Variants in GATAD2B observed in about 807,000 individuals in gnomAD.
The protein encoded by GATAD2B is GATA zinc finger domain containing 2B, also known as transcriptional repressor p66-beta.
A neutral mutation model predicts 64.3 loss-of-function variants in GATAD2B; 8 were observed. The observed-to-expected ratio is 0.12, with a 90% CI of 0.07 to 0.22. GATAD2B has a LOEUF of 0.22. GATAD2B is among the 10% of genes least tolerant of loss of function. The pLI, the probability that GATAD2B is intolerant of heterozygous loss-of-function variation, is 1.00. For missense variants in GATAD2B, 453 were observed against 752.0 expected, an observed-to-expected ratio of 0.60 and a Z score of 4.65; for synonymous variants, 281 against 271.3, an observed-to-expected ratio of 1.04 and a Z score of -0.35.
chr1:153,844,215 A>G lies in GATAD2B; in HGVS notation c.-1-15867T>C, dbSNP rs577293980. Among the ~76,000 whole-genome samples the G allele has an allele frequency of 1.4e-4, 21 of 151,026 alleles. No homozygotes were observed. The South Asian group carries it at 3.4e-3, about 24-fold the overall frequency. ...TGAGGAAACTATCCAAGACTGGGGGAAAAAAAAACATATGAAAGGAATGGA... is the reference window on the plus strand; with the variant it reads ...TGAGGAAACTATCCAAGACTGGGGGGAAAAAAAACATATGAAAGGAATGGA... On this transcript the variant is annotated intron_variant, in intron 1 of 10. Coordinates refer to ENST00000368655, the MANE Select transcript of GATAD2B (RefSeq NM_020699.4).
intron 1 of GATAD2B, among the ~76,000 whole-genome samples, chr1:153,921,245 T>C (rs1678420731): frequency 6.6e-6 from 1 of 152,200 alleles, no homozygotes; most frequent in African/African-American, 2.4e-5. Flanking sequence ...ATAGGCACCA[T>C]GCTGCTGCCA....
chr1:153,852,560 GA>G, intron 1 of GATAD2B: 1 of 770,590 alleles, frequency 1.3e-6, no homozygotes, highest in Non-Finnish European at 2.4e-6. Flanking sequence ...CCACCCATGA[GA>G]GCTAGAGCTT....
intron 1 of GATAD2B, among the ~76,000 whole-genome samples, chr1:153,914,338 T>C (rs2101971015): frequency 6.6e-6 from 1 of 151,756 alleles, no homozygotes; most frequent in East Asian, 1.9e-4. Flanking sequence ...AACCTTTACA[T>C]GCATTATCTT....
chr1:153,819,550 A>G, intron 3 of GATAD2B, 56 bp downstream of exon 3: 1 of 1,211,530 alleles, frequency 8.3e-7, no homozygotes, highest in Non-Finnish European at 1.2e-6. Context: ...CTCTTGAGGA[A>G]TTAAATAAAA....
At chr1:153,865,244 G>T (rs1676435225) in intron 1 of GATAD2B, among the ~76,000 whole-genome samples, 1 of 152,154 alleles carries the variant, frequency 6.6e-6, no homozygotes, top group Admixed American at 6.6e-5. Flanking sequence ...TGGATCACCT[G>T]AAGTCAGGAG....
At chr1:153,821,315 G>A (rs11264429) in intron 2 of GATAD2B, among the ~76,000 whole-genome samples, 6,031 of 151,980 alleles carry the variant, frequency 0.04, 324 homozygotes, top group African/African-American at 0.12. Context: ...AGGGAACCCC[G>A]ATCACTGGAA....
At chr1:153,901,978 CA>C (rs35731326) in intron 1 of GATAD2B, among the ~76,000 whole-genome samples, 3,373 of 92,304 alleles carry the variant, frequency 0.037, 121 homozygotes, top group African/African-American at 0.13. Context: ...GACTCCGTCT[CA>C]AAAAAAAAAA....
At chr1:153,852,910 A>G (rs1675952781) in intron 1 of GATAD2B, 1 of 795,168 alleles carries the variant, frequency 1.3e-6, no homozygotes, top group Admixed American at 1.8e-5. Context: ...GCCACTGCTC[A>G]TGAGCTGCAT....
chr1:153,906,069 A>T (rs985790025), intron 1 of GATAD2B, among the ~76,000 whole-genome samples: 4 of 146,250 alleles, frequency 2.7e-5, no homozygotes, highest in African/African-American at 1.0e-4. Context: ...CCCTCTCAAA[A>T]AAAAAAAAAA....
intron 1 of GATAD2B, among the ~76,000 whole-genome samples, chr1:153,895,855 A>C (rs1359257844): frequency 1.3e-5 from 2 of 152,002 alleles, no homozygotes; most frequent in African/African-American, 4.8e-5. Context: ...GGAAATAAGA[A>C]AGGCTTTTCA....
rs190592438 is a variant in GATAD2B at position 153,908,083 on chromosome 1, G to A, written c.-2+14650C>T. Among the ~76,000 whole-genome samples, 495 of 152,302 alleles carry A rather than the reference G, an allele frequency of 3.3e-3. 2 individuals are homozygous for A. The highest frequency in any genetic ancestry group is 0.011 in the African/African-American group (452 of 41,572). The stretch of plus-strand genomic sequence containing the variant: ...CTCCCAAAGTGCTGGGACTACAGGC[G>A]TGAGCCATCACGCCCAGCCTAAGAT... On this transcript the variant is annotated intron_variant, in intron 1 of 10. Transcript: ENST00000368655.
chr1:153,921,803 T>C (rs887046198), intron 1 of GATAD2B: 2 of 152,242 alleles, frequency 1.3e-5, no homozygotes, highest in African/African-American at 4.8e-5. Flanking sequence ...TGTTTGGAAG[T>C]TGATGCTGGG....
rs1051507021 is a variant in GATAD2B, at chr1:153,886,051, A to C, written c.-2+36682T>G. 4.6e-5 allele frequency among the ~76,000 whole-genome samples: 7 copies of C among 152,214 alleles called. No homozygotes were observed. In the South Asian group the frequency reaches 1.4e-3, roughly 31 times the overall value. ...GAATGCTTAAAGGTACTCCTACAAA[A>C]GAAATGTAAACTTCATAGAACCACT... On this transcript the variant is annotated intron_variant, in intron 1 of 10. Coordinates refer to ENST00000368655, the MANE Select transcript of GATAD2B (RefSeq NM_020699.4).
At chr1:153,869,313 T>G (rs1223325369) in intron 1 of GATAD2B, among the ~76,000 whole-genome samples, 1 of 151,118 alleles carries the variant, frequency 6.6e-6, no homozygotes, top group African/African-American at 2.4e-5. Flanking sequence ...AAGACAACTC[T>G]TGCCTGCAAC....
In GATAD2B at chr1:153,828,154, G is replaced by A. The variant is rs1180288981; in HGVS notation, c.194C>T (p.Thr65Ile). The change falls in exon 2 of 11, where the codon ACC (threonine) becomes ATC (isoleucine). Residue 65 changes from threonine (T) to isoleucine (I), a missense_variant. By Grantham distance (89) the Thr-to-Ile change is moderately conservative. This residue lies in a region of GATAD2B where 293 missense variants were observed against 417.2 expected (regional missense o/e 0.70). Transcript: ENST00000368655. ...CTTGACACCACTGCCATCCTGTTTG[G>A]TGGGTAACTCATGTGGCACCTCAAG... ...ANLEVPHELPTKQDGSGVKGY... is the reference protein window; with the variant it reads ...ANLEVPHELPIKQDGSGVKGY... 9 of 1,614,026 alleles carry A rather than the reference G, an allele frequency of 5.6e-6. No individual in the cohort carries two copies. The highest frequency in any genetic ancestry group is 1.7e-5 in the Admixed American group (1 of 59,984).
chr1:153,858,591 C>T lies in GATAD2B; in HGVS notation c.-1-30243G>A, dbSNP rs148301282. On this transcript the variant is annotated intron_variant, in intron 1 of 10. Transcript: ENST00000368655. ...TTGCATTCCAGCCTGGGGAACAGAG[C>T]GAGACCATGTCTCATAAACAAAGCC... 4.1e-3 allele frequency among the ~76,000 whole-genome samples: 623 copies of T among 152,024 alleles called. 5 individuals are homozygous for T. The highest frequency in any genetic ancestry group is 0.014 in the African/African-American group (582 of 41,448).
chr1:153,829,898 G>A (rs1010893474), intron 1 of GATAD2B, among the ~76,000 whole-genome samples: 8 of 151,482 alleles, frequency 5.3e-5, no homozygotes, highest in Non-Finnish European at 1.0e-4. Flanking sequence ...TCAGGAGTTC[G>A]AGACCAGCCT....
Position 153,817,363 on chromosome 1 carries a change from C to A in GATAD2B, c.900+9G>T, listed in dbSNP as rs1293484417. 2 of 1,538,412 alleles carry A rather than the reference C, an allele frequency of 1.3e-6. No individual in the cohort carries two copies. The highest frequency in any genetic ancestry group is 1.7e-6 in the Non-Finnish European group (2 of 1,143,502). ...TCTGTTTCCACATTAGGGCTCAGCT[C>A]TCTCTTACCGGTTGATAATTGATGG... On this transcript the variant is annotated intron_variant, in intron 6 of 10. Coordinates refer to ENST00000368655, the MANE Select transcript of GATAD2B (RefSeq NM_020699.4).
At position 153,837,857 on chromosome 1, in the gene GATAD2B, T is replaced by C. The variant is rs1051253298; in HGVS notation, c.-1-9509A>G. On this transcript the variant is annotated intron_variant, in intron 1 of 10. Transcript: ENST00000368655. ...TGTAAAATGAATGTTGCATATTGCC[T>C]TTTAATGCCTAACCAATCTTTTTTT... is the stretch of plus-strand genomic sequence containing the variant. Among the ~76,000 whole-genome samples, 3 of 152,244 alleles carry C rather than the reference T, an allele frequency of 2.0e-5. No individual in the cohort carries two copies. In the East Asian group the frequency reaches 5.8e-4, roughly 29 times the overall value.
Sources: allele counts gnomAD v4.1 joint callset (sites outside exome capture counted in the v4.1 genomes callset), GRCh38; gene constraint gnomAD v4.1.1; regional missense constraint gnomAD v4.1.1; transcripts MANE v1.5; gene names NCBI Gene and HGNC (gene_info 2026-07-23, HGNC 2026-07-21).